Variants in PLXNA2 observed in about 807,000 individuals in gnomAD.
PLXNA2 encodes plexin A2.
Under a neutral mutation model 193.5 loss-of-function variants are expected in PLXNA2, and 91 were observed. The observed-to-expected ratio is 0.47, with a 90% CI of 0.40 to 0.56. The LOEUF (loss-of-function observed/expected upper bound fraction) is 0.56, where lower values mean the gene tolerates loss of function less well. PLXNA2 is among the 20% of genes least tolerant of loss of function. The probability of loss-of-function intolerance (pLI) is 0.00; values close to 1 mark genes in which losing one functional copy is unlikely to be tolerated. For missense variants in PLXNA2, 1,995 were observed against 2,503.2 expected, an observed-to-expected ratio of 0.80 and a Z score of 4.33; for synonymous variants, 997 against 1,027.3, an observed-to-expected ratio of 0.97 and a Z score of 0.56.
intron 1 of PLXNA2, among the ~76,000 whole-genome samples, chr1:208,223,706 G>A (rs1671421448): frequency 6.6e-6 from 1 of 152,106 alleles, no homozygotes; most frequent in South Asian, 2.1e-4. Context: ...ACAACCCCAC[G>A]GACAGGTCAG....
intron 13 of PLXNA2, among the ~76,000 whole-genome samples, chr1:208,057,025 C>CA (rs150367315): frequency 0.14 from 21,070 of 152,080 alleles, 1,883 homozygotes; most frequent in East Asian, 0.3. Context: ...TCTTTGAGTT[C>CA]AGGAAGATAG....
intron 8 of PLXNA2, among the ~76,000 whole-genome samples, chr1:208,095,401 C>A (rs1666848208): frequency 6.6e-6 from 1 of 152,192 alleles, no homozygotes; most frequent in South Asian, 2.1e-4. Flanking sequence ...GCTGGAATGG[C>A]TGGTGAGGTC....
chr1:208,163,858 C>T (rs1223599758), intron 3 of PLXNA2, among the ~76,000 whole-genome samples: 1 of 152,208 alleles, frequency 6.6e-6, no homozygotes, highest in East Asian at 1.9e-4. Context: ...CAAGTCGATG[C>T]TCCATAAATT....
chr1:208,155,807 G>A (rs1668922448), intron 3 of PLXNA2, among the ~76,000 whole-genome samples: 1 of 152,124 alleles, frequency 6.6e-6, no homozygotes, highest in Non-Finnish European at 1.5e-5. Context: ...GGGTGTGGTG[G>A]GGTGTGCAGG....
chr1:208,043,196 A>C lies in PLXNA2; in HGVS notation c.3882T>G (p.Ala1294=), dbSNP rs1235791779. ...RVALECKEAF[A]ELQTDINELT... ...ACTCATTGATATCCGTCTGGAGCTC[A>C]GCAAAAGCTATGAGAATAAGCAGAC... is the stretch of plus-strand genomic sequence containing the variant. Residue 1294 remains alanine, a synonymous_variant, in exon 21 of 32, where the codon GCT becomes GCG. Transcript: ENST00000367033. 1 of 1,613,718 alleles carries C rather than the reference A, an allele frequency of 6.2e-7. No individual in the cohort carries two copies. The highest frequency in any genetic ancestry group is 8.5e-7 in the Non-Finnish European group (1 of 1,179,830).
chr1:208,072,476 T>C (rs944559207), intron 12 of PLXNA2, among the ~76,000 whole-genome samples: 5 of 152,200 alleles, frequency 3.3e-5, no homozygotes, highest in African/African-American at 1.2e-4. Context: ...CTGATCTCTG[T>C]TCTTGCCTGC....
In PLXNA2 at chr1:208,034,697, G is replaced by A. The variant is rs1405503853; in HGVS notation, c.4765-105C>T. The A allele has an allele frequency of 1.1e-5, 8 of 699,336 alleles. No individual in the cohort carries two copies. In the Admixed American group the frequency reaches 1.5e-4, roughly 13 times the overall value. The allele number at this position is 699,336 out of a possible 1,614,324, so 43.3% of individuals were successfully genotyped here. On this transcript the variant is annotated intron_variant, in intron 26 of 31. Transcript: ENST00000367033. Reference sequence around the variant, plus strand: ...GGTTATAAGATAGCTGTGGGGTAGAGAGCAAGGAGTACAGGAATACCAGAA... The same window carrying A: ...GGTTATAAGATAGCTGTGGGGTAGAAAGCAAGGAGTACAGGAATACCAGAA...
intron 4 of PLXNA2, among the ~76,000 whole-genome samples, chr1:208,106,890 G>A (rs1667287157): frequency 6.6e-6 from 1 of 152,228 alleles, no homozygotes; most frequent in African/African-American, 2.4e-5. Flanking sequence ...TTAGACAGAT[G>A]AAGAGCATTC....
At chr1:208,092,671 G>A (rs375160859) in intron 9 of PLXNA2, 115 bp downstream of exon 9, 30 of 623,178 alleles carry the variant, frequency 4.8e-5, no homozygotes, top group Admixed American at 1.8e-4. Flanking sequence ...CTGGCAAGAC[G>A]GCCAAGATGG....
At chr1:208,063,374 A>T (rs1254159790) in intron 12 of PLXNA2, among the ~76,000 whole-genome samples, 1 of 152,212 alleles carries the variant, frequency 6.6e-6, no homozygotes, top group African/African-American at 2.4e-5. Flanking sequence ...GGTCGTGGGC[A>T]CTGGGGTGCT....
chr1:208,043,334 TC>T, intron 20 of PLXNA2, 131 bp from the exon 21 acceptor site: 1 of 793,706 alleles, frequency 1.3e-6, no homozygotes, highest in Non-Finnish European at 2.0e-6. Flanking sequence ...GGAGTGTGTC[TC>T]CAGAGGGCGG....
At chr1:208,091,418 C>T (rs1457572765) in intron 9 of PLXNA2, among the ~76,000 whole-genome samples, 1 of 152,150 alleles carries the variant, frequency 6.6e-6, no homozygotes, top group Non-Finnish European at 1.5e-5. Context: ...GACACAATTG[C>T]CATCAATGGG....
Position 208,054,428 on chromosome 1 carries a change from G to A in PLXNA2, c.2849C>T (p.Thr950Ile), listed in dbSNP as rs140488835. The A allele has an allele frequency of 6.2e-7, 1 of 1,611,502 alleles. No homozygotes were observed. Among genetic ancestry groups the A allele is most frequent in the Non-Finnish European group, 8.5e-7 (1 of 1,177,696 alleles). ...CCTGGACCCAGTACTCACCACGAAG[G>A]TGTACTGCTGATGGGACTTCGTCAT... ...EFMTKSHQQY[T>I]FVNPSVLSLN... Residue 950 changes from threonine (T) to isoleucine (I), a missense_variant, in exon 14 of 32, where the codon ACC becomes ATC. By Grantham distance (89) the Thr-to-Ile change is moderately conservative (BLOSUM62 -1). This residue lies in a region of PLXNA2 where 1,291 missense variants were observed against 1,673.6 expected (regional missense o/e 0.77). Coordinates refer to ENST00000367033, the MANE Select transcript of PLXNA2 (RefSeq NM_025179.4).
At chr1:208,200,558 G>T in intron 3 of PLXNA2, among the ~76,000 whole-genome samples, 1 of 148,314 alleles carries the variant, frequency 6.7e-6, no homozygotes, top group East Asian at 2.0e-4. Context: ...CAACAGAGCA[G>T]TGAAATATCC....
intron 9 of PLXNA2, among the ~76,000 whole-genome samples, chr1:208,091,348 C>T (rs759935659): frequency 4.6e-5 from 7 of 152,188 alleles, no homozygotes; most frequent in African/African-American, 7.2e-5. Flanking sequence ...TGGAAGCAAC[C>T]AGCACTGCTA....
At chr1:208,240,485 G>T (rs766027862) in intron 1 of PLXNA2, among the ~76,000 whole-genome samples, 1 of 152,108 alleles carries the variant, frequency 6.6e-6, no homozygotes, top group Non-Finnish European at 1.5e-5. Flanking sequence ...TTGTAACGAA[G>T]TGAAAAAACT....
chr1:208,179,711 G>A (rs1345149773), intron 3 of PLXNA2, among the ~76,000 whole-genome samples: 1 of 152,184 alleles, frequency 6.6e-6, no homozygotes, highest in Admixed American at 6.5e-5. Flanking sequence ...GAGTGTTAGG[G>A]TAGGAGGCTT....
chr1:208,191,429 T>C (rs1220190336), intron 3 of PLXNA2, among the ~76,000 whole-genome samples: 1 of 152,148 alleles, frequency 6.6e-6, no homozygotes, highest in Non-Finnish European at 1.5e-5. Context: ...TATCCTAAAA[T>C]CGTGGCGCGT....
intron 3 of PLXNA2, among the ~76,000 whole-genome samples, chr1:208,204,326 G>A (rs1437850098): frequency 6.6e-6 from 1 of 152,194 alleles, no homozygotes; most frequent in African/African-American, 2.4e-5. Context: ...TGATCCAGGT[G>A]AAGCAGATGG....
Sources: gnomAD v4.1 joint callset for allele counts (sites outside exome capture counted in the v4.1 genomes callset) on GRCh38, gnomAD v4.1.1 for gene constraint, gnomAD v4.1.1 regional missense constraint, MANE v1.5 for transcripts, NCBI Gene and HGNC (gene_info 2026-07-23, HGNC 2026-07-21) for gene names.